Variants in ZNF34 observed in about 807,000 individuals in gnomAD.
ZNF34 encodes the protein zinc finger protein 34.
A neutral mutation model predicts 14.4 loss-of-function variants in ZNF34; 8 were observed. That is an observed-to-expected ratio of 0.55 (90% confidence interval 0.33 to 1.00). The LOEUF is 1.00. ZNF34 is among the 50% of genes least tolerant of loss of function. The probability of loss-of-function intolerance (pLI) is 0.03; values close to 1 mark genes in which losing one functional copy is unlikely to be tolerated. For synonymous variants in ZNF34, 235 were observed against 247.9 expected, an observed-to-expected ratio of 0.95 and a Z score of 0.49; for missense variants, 538 against 674.2, an observed-to-expected ratio of 0.80 and a Z score of 2.24.
chr8:144,786,832 G>A (rs1030368030), intron 1 of ZNF34, among the ~76,000 whole-genome samples: 12 of 152,144 alleles, frequency 7.9e-5, no homozygotes, highest in African/African-American at 2.4e-4. Flanking sequence ...AAGGCAGGAG[G>A]GGCGGCATTC....
chr8:144,775,967 C>T (rs544953746), intron 5 of ZNF34, among the ~76,000 whole-genome samples: 49 of 152,220 alleles, frequency 3.2e-4, no homozygotes, highest in South Asian at 1.9e-3. Flanking sequence ...GAGACTCATG[C>T]GCACAGAAAT....
chr8:144,773,455 G>A lies in ZNF34; in HGVS notation c.1431C>T (p.His477=), dbSNP rs201353939. 4.7e-4 allele frequency: 762 copies of A among 1,613,918 alleles called. 3 individuals are homozygous for A. The highest frequency in any genetic ancestry group is 6.9e-5 in the Non-Finnish European group (81 of 1,179,970). ...CGCTGCATCTGTAGGGTTTCTCTCC[G>A]TGGTGCAGCCTCTGGTGGTGGATGA... The part of the protein sequence containing the change: ...SRLIHHQRLH[H]GEKPYRCSDC... The change falls in exon 6 of 6, where the codon CAC becomes CAT. Residue 477 remains histidine, a synonymous_variant. Transcript: ENST00000429371. The surrounding 1 kb of genome is among the most constrained non-coding windows in gnomAD (Gnocchi z 5.4).
chr8:144,779,917 G>A lies in ZNF34; in HGVS notation c.-55+311C>T, dbSNP rs984047134. On this transcript the variant is annotated intron_variant, in intron 2 of 5. Coordinates refer to ENST00000429371, the MANE Select transcript of ZNF34 (RefSeq NM_001286769.2). The surrounding 1 kb of genome is among the most constrained non-coding windows in gnomAD (Gnocchi z 4.1). ...AAAAATGATAGAAGGGGCCAAGCTCGGTGGCTCACACCTGTAATCCTAGCG... is the reference window on the plus strand; with the variant it reads ...AAAAATGATAGAAGGGGCCAAGCTCAGTGGCTCACACCTGTAATCCTAGCG... 2.6e-5 allele frequency among the ~76,000 whole-genome samples: 4 copies of A among 151,990 alleles called. No individual in the cohort carries two copies. Among genetic ancestry groups the A allele is most frequent in the African/African-American group, 7.3e-5 (3 of 41,352 alleles).
chr8:144,773,238 G>T lies in ZNF34; in HGVS notation c.*28C>A, dbSNP rs1021166851. 8 of 1,571,912 alleles carry T rather than the reference G, an allele frequency of 5.1e-6. No homozygotes were observed. The highest frequency in any genetic ancestry group is 6.9e-6 in the Non-Finnish European group (8 of 1,155,264). Reference sequence around the variant, plus strand: ...GGCGCATGCAGGAAGTGCTCAGCTGGACTCTGCCCTCGGACACCGCGCCAC... The same window carrying T: ...GGCGCATGCAGGAAGTGCTCAGCTGTACTCTGCCCTCGGACACCGCGCCAC... On this transcript the variant is annotated 3_prime_UTR_variant, in exon 6 of 6. Coordinates refer to ENST00000429371, the MANE Select transcript of ZNF34 (RefSeq NM_001286769.2). The surrounding 1 kb of genome is among the most constrained non-coding windows in gnomAD (Gnocchi z 5.4).
chr8:144,772,384 A>G lies in ZNF34; in HGVS notation c.*882T>C, dbSNP rs536300841. On this transcript the variant is annotated 3_prime_UTR_variant, in exon 6 of 6. Transcript: ENST00000429371. The stretch of plus-strand genomic sequence containing the variant: ...GGAGTAATAAAACAGTTCTGGAAAT[A>G]CACAGTGATGATGGTTACACAACAC... Among the ~76,000 whole-genome samples the G allele has an allele frequency of 6.6e-6, 1 of 152,336 alleles. No homozygotes were observed. Among genetic ancestry groups the G allele is most frequent in the Non-Finnish European group, 1.5e-5 (1 of 68,032 alleles).
At position 144,774,476 on chromosome 8, in the gene ZNF34, A is replaced by G; in HGVS notation, c.410T>C (p.Leu137Pro). ...ISKSEGSLEK[L>P]VEQRGPRAVT... is the part of the protein sequence containing the mutation. Reference sequence around the variant, plus strand: ...TGCCCTGGGGCCTCTCTGCTCCACTAGCTTTTCCAGGCTCCCCTCTGACTT... The same window carrying G: ...TGCCCTGGGGCCTCTCTGCTCCACTGGCTTTTCCAGGCTCCCCTCTGACTT... The change falls in exon 6 of 6, where the codon CTA (leucine) becomes CCA (proline). Residue 137 changes from leucine (L) to proline (P), a missense_variant. Leu to Pro is a moderately conservative substitution (Grantham distance 98). Coordinates refer to ENST00000429371, the MANE Select transcript of ZNF34 (RefSeq NM_001286769.2). 1.2e-6 allele frequency: 2 copies of G among 1,613,806 alleles called. No individual in the cohort carries two copies. Among genetic ancestry groups the G allele is most frequent in the Non-Finnish European group, 1.7e-6 (2 of 1,179,864 alleles).
chr8:144,778,147 C>T lies in ZNF34; in HGVS notation c.51G>A (p.Glu17=). Residue 17 remains glutamate, a synonymous_variant, in exon 4 of 6, where the codon GAG becomes GAA. Transcript: ENST00000429371. ...SAPPQAEVTF[E]DVAVYLSREE... is the part of the protein sequence containing the mutation. Reference sequence around the variant, plus strand: ...CCCGGGAGAGGTACACAGCCACGTCCTCGAAGGTCACCTCGGCCTGGAATG... The same window carrying T: ...CCCGGGAGAGGTACACAGCCACGTCTTCGAAGGTCACCTCGGCCTGGAATG... 1.2e-6 allele frequency: 2 copies of T among 1,613,326 alleles called. No individual in the cohort carries two copies. Among genetic ancestry groups the T allele is most frequent in the East Asian group, 4.5e-5 (2 of 44,874 alleles).
chr8:144,780,978 C>T (rs1563790886), intron 1 of ZNF34, among the ~76,000 whole-genome samples: 1 of 139,606 alleles, frequency 7.2e-6, no homozygotes, highest in Non-Finnish European at 1.6e-5. Context: ...ACCGAAAATA[C>T]AAAAAAAATT....
chr8:144,777,963 G>T lies in ZNF34; in HGVS notation c.160+75C>A. 6.3e-7 allele frequency: 1 copy of T among 1,578,656 alleles called. No homozygotes were observed. The highest frequency in any genetic ancestry group is 8.6e-7 in the Non-Finnish European group (1 of 1,161,042). On this transcript the variant is annotated intron_variant, in intron 4 of 5. Transcript: ENST00000429371. The surrounding 1 kb of genome is among the most constrained non-coding windows in gnomAD (Gnocchi z 4.8). The stretch of plus-strand genomic sequence containing the variant: ...CACCTATCTGTGCCCAGGGGGTGAG[G>T]CCCCTAGCCCAGCCTCTGCTGAGCC...
In ZNF34 at chr8:144,773,108, C is replaced by T. The variant is rs930046569; in HGVS notation, c.*158G>A. ...TCTCAATTTCTCTAAAATGAACATG[C>T]ACTGCTTTTGATTTAAGAAAAGAGG... On this transcript the variant is annotated 3_prime_UTR_variant, in exon 6 of 6. Coordinates refer to ENST00000429371, the MANE Select transcript of ZNF34 (RefSeq NM_001286769.2). This position sits in a 1 kb window ranked among gnomAD's most constrained non-coding sequence, Gnocchi z 5.4. The T allele has an allele frequency of 9.0e-6, 7 of 777,852 alleles. No homozygotes were observed. The African/African-American group carries it at 1.3e-4, about 14-fold the overall frequency. The allele number at this position is 777,852 out of a possible 1,614,324, so 48.2% of individuals were successfully genotyped here.
rs1458477452 is a variant in ZNF34 at position 144,773,325 on chromosome 8, G to A, written c.1561C>T (p.His521Tyr). 6.2e-7 allele frequency: 1 copy of A among 1,614,104 alleles called. No individual in the cohort carries two copies. The highest frequency in any genetic ancestry group is 8.5e-7 in the Non-Finnish European group (1 of 1,179,958). The part of the protein sequence containing the change: ...KCSECGKAFR[H>Y]SSNMCQHQRI... The stretch of plus-strand genomic sequence containing the variant: ...TGATGCTGACACATGTTGGAACTGT[G>A]CCGGAAGGCCTTCCCACACTCGCTG... The change falls in exon 6 of 6, where the codon CAC becomes TAC. Residue 521 changes from histidine (H) to tyrosine (Y), a missense_variant. By Grantham distance (83) the His-to-Tyr change is moderately conservative (BLOSUM62 2). Transcript: ENST00000429371. The surrounding 1 kb of genome is among the most constrained non-coding windows in gnomAD (Gnocchi z 5.4).
chr8:144,782,842 CAAAAAAAAAAAAAAAAAAAAAA>C (rs548252812), intron 1 of ZNF34, among the ~76,000 whole-genome samples: 1 of 22,966 alleles, frequency 4.4e-5, no homozygotes, highest in Non-Finnish European at 6.4e-5. Flanking sequence ...AAGCCTATCT[CAAAAAAAAAAAAAAAAAAAAAA>C]AAAAAAAAAA....
chr8:144,784,741 G>A (rs989658950), intron 1 of ZNF34, among the ~76,000 whole-genome samples: 4 of 151,686 alleles, frequency 2.6e-5, no homozygotes, highest in African/African-American at 4.8e-5. Context: ...CTGGGTGACA[G>A]AGCAAGACTC....
chr8:144,775,603 G>C (rs933344868), intron 5 of ZNF34, among the ~76,000 whole-genome samples: 1 of 152,146 alleles, frequency 6.6e-6, no homozygotes, highest in Admixed American at 6.5e-5. Flanking sequence ...AAGATGCCCT[G>C]TGTGAGTCTA....
chr8:144,783,903 G>A (rs1049572979), intron 1 of ZNF34, among the ~76,000 whole-genome samples: 11 of 152,220 alleles, frequency 7.2e-5, no homozygotes, highest in Admixed American at 6.5e-4. Flanking sequence ...AGTGGCTCAC[G>A]CCTATAATCC....
At chr8:144,776,936 T>C (rs1236434983) in intron 5 of ZNF34, among the ~76,000 whole-genome samples, 1 of 146,738 alleles carries the variant, frequency 6.8e-6, no homozygotes, top group Non-Finnish European at 1.5e-5. Flanking sequence ...AAAAAAGCAG[T>C]GTCAGTACAT....
rs1364547187 is a variant in ZNF34 at position 144,779,053 on chromosome 8, G to A, written c.-54-528C>T. ...CCTGCCGCTCCATAATCTAAGCCAA[G>A]GCATAAAAACCCTCATGGCTTGGAT... On this transcript the variant is annotated intron_variant, in intron 2 of 5. Coordinates refer to ENST00000429371, the MANE Select transcript of ZNF34 (RefSeq NM_001286769.2). The surrounding 1 kb of genome is among the most constrained non-coding windows in gnomAD (Gnocchi z 4.1). 1.3e-5 allele frequency among the ~76,000 whole-genome samples: 2 copies of A among 152,062 alleles called. No homozygotes were observed. Among genetic ancestry groups the A allele is most frequent in the Non-Finnish European group, 2.9e-5 (2 of 68,030 alleles).
rs1447773848 is a variant in ZNF34, at chr8:144,773,350, G to C, written c.1536C>G (p.Cys512Trp). The C allele has an allele frequency of 6.2e-7, 1 of 1,613,890 alleles. No individual in the cohort carries two copies. Among genetic ancestry groups the C allele is most frequent in the East Asian group, 2.2e-5 (1 of 44,866 alleles). The change falls in exon 6 of 6, where the codon TGC (cysteine) becomes TGG (tryptophan). Residue 512 changes from cysteine to tryptophan, a missense_variant. Cys to Trp is a radical substitution (Grantham distance 215). Transcript: ENST00000429371. The surrounding 1 kb of genome is among the most constrained non-coding windows in gnomAD (Gnocchi z 5.4). ...GCCGGAAGGCCTTCCCACACTCGCT[G>C]CACTTGTAGGGCTTCTCCCCGGTGT... is the stretch of plus-strand genomic sequence containing the variant. ...RIHTGEKPYK[C>W]SECGKAFRHS...
In ZNF34 at chr8:144,773,285, C is replaced by T. The variant is rs751961506; in HGVS notation, c.1601G>A (p.Arg534Gln). The T allele has an allele frequency of 2.2e-5, 36 of 1,609,292 alleles. No homozygotes were observed. Among genetic ancestry groups the T allele is most frequent in the East Asian group, 1.1e-4 (5 of 44,800 alleles). Residue 534 changes from arginine (R) to glutamine (Q), a missense_variant, in exon 6 of 6, where the codon CGG becomes CAG. By Grantham distance (43) the Arg-to-Gln change is conservative. Around this residue, in one of 3 missense-constraint regions of ZNF34, gnomAD observed 101 missense variants for 123.1 expected, o/e 0.82. Coordinates refer to ENST00000429371, the MANE Select transcript of ZNF34 (RefSeq NM_001286769.2). The surrounding 1 kb of genome is among the most constrained non-coding windows in gnomAD (Gnocchi z 5.4). ...CCACTGTTACATGGAGAAGTCCTCC[C>T]GGAGGTGAATCCGCTGATGCTGACA... ...NMCQHQRIHL[R>Q]EDFSM is the part of the protein sequence containing the mutation.
Sources: gnomAD v4.1 joint callset for allele counts (sites outside exome capture counted in the v4.1 genomes callset) on GRCh38, gnomAD v4.1.1 for gene constraint, gnomAD v4.1.1 regional missense constraint, Gnocchi (gnomAD v3.1) non-coding constraint, MANE v1.5 for transcripts, NCBI Gene and HGNC (gene_info 2026-07-23, HGNC 2026-07-21) for gene names.